FOXP2: variants seen among roughly 807,000 people sequenced by gnomAD.
The protein encoded by FOXP2 is forkhead box protein P2.
In FOXP2, 12 loss-of-function variants were observed where a neutral mutation model predicts 115.8. That is an observed-to-expected ratio of 0.10 (90% CI 0.07 to 0.17). FOXP2 has a LOEUF of 0.17. FOXP2 is among the 10% of genes least tolerant of loss of function. The pLI is 1.00. For synonymous variants in FOXP2, 328 were observed against 297.7 expected, an observed-to-expected ratio of 1.10 and a Z score of -1.05; for missense variants, 629 against 843.5, an observed-to-expected ratio of 0.75 and a Z score of 3.15.
chr7:114,282,959 C>T (rs565594244), intron 1 of FOXP2, among the ~76,000 whole-genome samples: 2 of 152,240 alleles, frequency 1.3e-5, no homozygotes, highest in African/African-American at 2.4e-5. Context: ...GGCACTGCTG[C>T]CTCCTGAGAA....
Position 114,525,055 on chromosome 7 carries a change from C to T in FOXP2, c.169-9562C>T, listed in dbSNP as rs572412561. 4.6e-5 allele frequency among the ~76,000 whole-genome samples: 7 copies of T among 152,248 alleles called. No individual in the cohort carries two copies. The South Asian group carries it at 1.2e-3, about 27-fold the overall frequency. ...TTCTATCCAATGGGACATTATCTAA[C>T]TTGGACAGATTGCAGAACTAAATGC... is the stretch of plus-strand genomic sequence containing the variant. On this transcript the variant is annotated intron_variant, in intron 2 of 16. Coordinates refer to ENST00000350908, the MANE Select transcript of FOXP2 (RefSeq NM_014491.4).
chr7:114,234,450 C>T (rs1213434827), intron 1 of FOXP2, among the ~76,000 whole-genome samples: 1 of 152,100 alleles, frequency 6.6e-6, no homozygotes, highest in Non-Finnish European at 1.5e-5. Flanking sequence ...CCAATGCAGT[C>T]GTAAAAATAT....
intron 3 of FOXP2, among the ~76,000 whole-genome samples, chr7:114,576,096 A>G (rs1801562035): frequency 1.3e-5 from 2 of 151,878 alleles, no homozygotes; most frequent in Non-Finnish European, 2.9e-5. Flanking sequence ...TGTTTCAAAC[A>G]CTTATGTTAT....
At chr7:114,093,546 A>G (rs1264195553) in intron 1 of FOXP2, among the ~76,000 whole-genome samples, 3 of 152,176 alleles carry the variant, frequency 2.0e-5, no homozygotes, top group Admixed American at 1.3e-4. Flanking sequence ...TAAATGTCGA[A>G]TGAAGGAATG....
At chr7:114,283,542 T>A (rs1796389399) in intron 1 of FOXP2, among the ~76,000 whole-genome samples, 1 of 152,166 alleles carries the variant, frequency 6.6e-6, no homozygotes, top group Non-Finnish European at 1.5e-5. Flanking sequence ...AGGATTCATC[T>A]TCATTTTTAT....
At chr7:114,535,338 G>T (rs916153819) in intron 3 of FOXP2, among the ~76,000 whole-genome samples, 1 of 151,278 alleles carries the variant, frequency 6.6e-6, no homozygotes, top group Non-Finnish European at 1.5e-5. Context: ...CATTTTCTTG[G>T]TGGGGGGGGA....
chr7:114,372,135 A>G lies in FOXP2; in HGVS notation c.-10-54367A>G, dbSNP rs140068186. Among the ~76,000 whole-genome samples the G allele has an allele frequency of 2.7e-3, 415 of 152,320 alleles. 4 individuals carry two copies. The highest frequency in any genetic ancestry group is 9.5e-3 in the African/African-American group (395 of 41,580). ...ACTTGGATAGCTTGGCCATGGTATT[A>G]TAGCTAGTAAACAGTAGATAAAGGA... On this transcript the variant is annotated intron_variant, in intron 2 of 17. Coordinates refer to the FOXP2 transcript ENST00000634411.
At chr7:114,627,376 TG>T (rs1259883546) in intron 3 of FOXP2, among the ~76,000 whole-genome samples, 1 of 152,112 alleles carries the variant, frequency 6.6e-6, no homozygotes, top group Non-Finnish European at 1.5e-5. Context: ...AAAAGTGAAT[TG>T]TTTTTTCTAG....
chr7:114,089,532 C>T (rs962782895), intron 1 of FOXP2, among the ~76,000 whole-genome samples: 16 of 151,810 alleles, frequency 1.1e-4, no homozygotes, highest in Non-Finnish European at 1.6e-4. Flanking sequence ...ATAATTTATA[C>T]TCGGGTGGAA....
chr7:114,502,443 A>G (rs566761256), intron 2 of FOXP2, among the ~76,000 whole-genome samples: 4 of 152,210 alleles, frequency 2.6e-5, no homozygotes, highest in Non-Finnish European at 5.9e-5. Context: ...GCTTCAGTAT[A>G]TAACAAAGAT....
intron 16 of FOXP2, among the ~76,000 whole-genome samples, chr7:114,670,238 C>T (rs573058703): frequency 5.8e-4 from 88 of 151,902 alleles, no homozygotes; most frequent in African/African-American, 2.1e-3. Context: ...TTATATAGAA[C>T]GTTAATATAT....
intron 2 of FOXP2, among the ~76,000 whole-genome samples, chr7:114,387,338 A>C (rs1792478572): frequency 6.6e-6 from 1 of 152,186 alleles, no homozygotes; most frequent in African/African-American, 2.4e-5. Flanking sequence ...CTCTTGAGGA[A>C]GTTATATTCA....
At chr7:114,244,154 T>C (rs1795221201) in intron 1 of FOXP2, among the ~76,000 whole-genome samples, 1 of 152,146 alleles carries the variant, frequency 6.6e-6, no homozygotes, top group South Asian at 2.1e-4. Context: ...TTGTTTCCGG[T>C]TTACAAAAAA....
At chr7:114,087,776 G>A (rs1799453040) in exon 1 of FOXP2, 1 of 151,968 alleles carries the variant, frequency 6.6e-6, no homozygotes, top group Non-Finnish European at 1.5e-5. Context: ...GTGGGTGTTG[G>A]GGCCTCTCTA....
At chr7:114,401,993 A>G (rs753615650) in intron 2 of FOXP2, among the ~76,000 whole-genome samples, 9 of 152,126 alleles carry the variant, frequency 5.9e-5, no homozygotes, top group Non-Finnish European at 1.0e-4. Flanking sequence ...ATGGTGGCAC[A>G]TGCCTGCAAT....
chr7:114,401,226 G>A (rs987735195), intron 2 of FOXP2, among the ~76,000 whole-genome samples: 3 of 152,212 alleles, frequency 2.0e-5, no homozygotes, highest in Admixed American at 1.3e-4. Flanking sequence ...CAAAATAAAT[G>A]TTGTCATAGA....
At chr7:114,432,976 T>C (rs952299486) in intron 2 of FOXP2, among the ~76,000 whole-genome samples, 1 of 151,966 alleles carries the variant, frequency 6.6e-6, no homozygotes, top group African/African-American at 2.4e-5. Flanking sequence ...ACTCCTGCAG[T>C]AACTCGATTT....
At chr7:114,289,490 CTATCTT>C (rs573736512) in intron 2 of FOXP2, among the ~76,000 whole-genome samples, 7 of 151,886 alleles carry the variant, frequency 4.6e-5, no homozygotes, top group South Asian at 2.1e-4. Context: ...CCAATATACT[CTATCTT>C]TATATAGCCT....
chr7:114,448,876 A>G (rs182891107), intron 2 of FOXP2, among the ~76,000 whole-genome samples: 66 of 152,294 alleles, frequency 4.3e-4, no homozygotes, highest in African/African-American at 1.6e-3. Context: ...GCAGGATAAA[A>G]TTGTGTATGC....
Sources: allele counts gnomAD v4.1 joint callset (sites outside exome capture counted in the v4.1 genomes callset), GRCh38; gene constraint gnomAD v4.1.1; transcripts MANE v1.5; gene names NCBI Gene and HGNC (gene_info 2026-07-23, HGNC 2026-07-21).